The following WWOX variants were observed in gnomAD, a reference collection of about 807,000 sequenced individuals.
WWOX encodes the protein WW domain-containing oxidoreductase.
In WWOX, 69 loss-of-function variants were observed where a neutral mutation model predicts 46.2. The observed-to-expected ratio is 1.49, with a 90% CI of 1.23 to 1.82. The LOEUF is 1.82. WWOX is among the 40% of genes most tolerant of loss of function. The pLI is 0.00. For missense variants in WWOX, 919 were observed against 542.6 expected, an observed-to-expected ratio of 1.69 and a Z score of -6.89; for synonymous variants, 359 against 202.6, an observed-to-expected ratio of 1.77 and a Z score of -6.56.
chr16:78,188,659 T>C (rs1449110126), intron 5 of WWOX, among the ~76,000 whole-genome samples: 1 of 152,078 alleles, frequency 6.6e-6, no homozygotes, highest in Non-Finnish European at 1.5e-5. Flanking sequence ...CAAATGTTAC[T>C]TGATAGACAC....
chr16:78,126,806 C>T (rs2033381636), intron 4 of WWOX, among the ~76,000 whole-genome samples: 1 of 152,150 alleles, frequency 6.6e-6, no homozygotes, highest in Non-Finnish European at 1.5e-5. Flanking sequence ...AAAACTTAAA[C>T]TTGTCTGGCT....
intron 8 of WWOX, among the ~76,000 whole-genome samples, chr16:78,955,630 C>A (rs907391686): frequency 6.6e-6 from 1 of 151,710 alleles, no homozygotes; most frequent in African/African-American, 2.4e-5. Flanking sequence ...TTTCTTGTTT[C>A]TTTTTATTTT....
chr16:78,314,976 G>A (rs751822856), intron 5 of WWOX, among the ~76,000 whole-genome samples: 9 of 152,114 alleles, frequency 5.9e-5, no homozygotes, highest in Non-Finnish European at 1.0e-4. Flanking sequence ...CTTCGTAAAA[G>A]AAGAACTTCT....
intron 8 of WWOX, among the ~76,000 whole-genome samples, chr16:78,961,852 T>C (rs182057797): frequency 1.3e-3 from 196 of 152,294 alleles, no homozygotes; most frequent in Middle Eastern, 0.01. Flanking sequence ...TTCCATGAAG[T>C]TGATTTTGCA....
chr16:78,795,549 A>T (rs1193275377), intron 8 of WWOX, among the ~76,000 whole-genome samples: 1 of 152,210 alleles, frequency 6.6e-6, no homozygotes, highest in East Asian at 1.9e-4. Flanking sequence ...TCTGAAAAAA[A>T]GGATTCAGGG....
chr16:78,630,969 G>A (rs1475176533), intron 8 of WWOX, among the ~76,000 whole-genome samples: 1 of 152,140 alleles, frequency 6.6e-6, no homozygotes, highest in African/African-American at 2.4e-5. Flanking sequence ...TACTGAAAAT[G>A]TACCAACTGC....
rs142423179 is a variant in WWOX at position 78,635,743 on chromosome 16, T to C, written c.1056+202991T>C. On this transcript the variant is annotated intron_variant, in intron 8 of 8. Transcript: ENST00000566780. The stretch of plus-strand genomic sequence containing the variant: ...CACATCAATGTCGTCATCGTCCTTA[T>C]GAAAAGCCCTGGGCATCATTTTGCC... 6.3e-3 allele frequency among the ~76,000 whole-genome samples: 966 copies of C among 152,276 alleles called. 8 individuals are homozygous for C. Among genetic ancestry groups the C allele is most frequent in the Middle Eastern group, 0.024 (7 of 292 alleles).
In WWOX at chr16:78,375,677, G is replaced by T. The variant is rs761292665; in HGVS notation, c.517-11183G>T. ...AAAGCTATCAAAATTTAAAATGTGGGTATCTCTTGACCTAGTGAGTCTACT... is the reference window on the plus strand; with the variant it reads ...AAAGCTATCAAAATTTAAAATGTGGTTATCTCTTGACCTAGTGAGTCTACT... On this transcript the variant is annotated intron_variant, in intron 5 of 8. Transcript: ENST00000566780. 3.9e-5 allele frequency among the ~76,000 whole-genome samples: 6 copies of T among 152,136 alleles called. No individual in the cohort carries two copies. In the South Asian group the frequency reaches 8.3e-4, roughly 21 times the overall value.
chr16:79,159,580 G>A lies in WWOX; in HGVS notation c.1057-52028G>A, dbSNP rs556996436. ...GGAAAATGCTCTCTTTCTTACCTGGGTTACAAAGAGGAGGCTCAGGGTAGC... is the reference window on the plus strand; with the variant it reads ...GGAAAATGCTCTCTTTCTTACCTGGATTACAAAGAGGAGGCTCAGGGTAGC... On this transcript the variant is annotated intron_variant, in intron 8 of 8. Coordinates refer to ENST00000566780, the MANE Select transcript of WWOX (RefSeq NM_016373.4). 1.4e-3 allele frequency among the ~76,000 whole-genome samples: 215 copies of A among 152,274 alleles called. 2 individuals are homozygous for A. The highest frequency in any genetic ancestry group is 2.7e-3 in the African/African-American group (114 of 41,562).
intron 8 of WWOX, among the ~76,000 whole-genome samples, chr16:78,663,545 A>C (rs560373697): frequency 6.6e-6 from 1 of 152,146 alleles, no homozygotes; most frequent in Non-Finnish European, 1.5e-5. Flanking sequence ...TCTGATTTCT[A>C]TTATGAGTAA....
chr16:78,647,142 G>C (rs1026852910), intron 8 of WWOX, among the ~76,000 whole-genome samples: 1 of 152,260 alleles, frequency 6.6e-6, no homozygotes, highest in Admixed American at 6.5e-5. Flanking sequence ...CACCATCCTG[G>C]GTCTAGCTGG....
chr16:78,294,009 A>AAGG (rs1555514390), intron 5 of WWOX, among the ~76,000 whole-genome samples: 5 of 151,062 alleles, frequency 3.3e-5, no homozygotes, highest in African/African-American at 1.2e-4. Flanking sequence ...AAAAAAAAAA[A>AAGG]AGGCTTTCCT....
chr16:78,576,995 A>G (rs1193229565), intron 8 of WWOX, among the ~76,000 whole-genome samples: 1 of 152,212 alleles, frequency 6.6e-6, no homozygotes, highest in South Asian at 2.1e-4. Flanking sequence ...CTATTGCTGC[A>G]GAACAAATCA....
intron 5 of WWOX, among the ~76,000 whole-genome samples, chr16:78,281,289 G>A (rs1212509729): frequency 1.3e-5 from 2 of 152,162 alleles, no homozygotes; most frequent in Non-Finnish European, 2.9e-5. Flanking sequence ...CTCCCATTAC[G>A]GACATGTTTC....
intron 8 of WWOX, among the ~76,000 whole-genome samples, chr16:78,512,587 T>G (rs2085387468): frequency 6.6e-6 from 1 of 152,208 alleles, no homozygotes; most frequent in Admixed American, 6.5e-5. Context: ...ATTTGTTCAT[T>G]CAGCAAATAG....
At chr16:78,526,549 C>A (rs773229345) in intron 8 of WWOX, 2 of 152,222 alleles carry the variant, frequency 1.3e-5, no homozygotes, top group Non-Finnish European at 2.9e-5. Context: ...GGCCCAACAC[C>A]TGAATCTAGG....
rs1244058786 is a variant in WWOX at position 78,349,008 on chromosome 16, A to G, written c.517-37852A>G. Among the ~76,000 whole-genome samples the G allele has an allele frequency of 1.7e-5, 2 of 120,140 alleles. 1 individual carries two copies. Among genetic ancestry groups the G allele is most frequent in the Non-Finnish European group, 4.0e-5 (2 of 50,444 alleles). 78.8% of individuals were successfully genotyped at this position (120,140 alleles called of 152,430 possible). A position where few individuals can be genotyped will look rare whatever the true frequency, so the allele number is the denominator to read the frequency against. On this transcript the variant is annotated intron_variant, in intron 5 of 8. Coordinates refer to ENST00000566780, the MANE Select transcript of WWOX (RefSeq NM_016373.4). ...GGTGTACTGGTCTGCTCAGGCTGCC[A>G]TAACAAAATACCACAGGCTGGATAA...
At chr16:78,540,959 C>T (rs1315505788) in intron 8 of WWOX, among the ~76,000 whole-genome samples, 1 of 152,026 alleles carries the variant, frequency 6.6e-6, no homozygotes, top group Non-Finnish European at 1.5e-5. Context: ...GCGCTGGGAC[C>T]AATAGAGATT....
rs150699789 is a variant in WWOX, at chr16:78,495,699, G to C, written c.1056+62947G>C. Among the ~76,000 whole-genome samples the C allele has an allele frequency of 1.8e-3, 278 of 151,830 alleles. 1 individual carries two copies. The highest frequency in any genetic ancestry group is 6.5e-3 in the African/African-American group (268 of 41,354). On this transcript the variant is annotated intron_variant, in intron 8 of 8. Transcript: ENST00000566780. ...AATTTTTGTATTTTTAGTAGAGCCG[G>C]GGTTTCACCATGTTGGCCAGGGTGG... is the stretch of plus-strand genomic sequence containing the variant.
Sources: gnomAD v4.1 joint callset for allele counts (sites outside exome capture counted in the v4.1 genomes callset) on GRCh38, gnomAD v4.1.1 for gene constraint, MANE v1.5 for transcripts, NCBI Gene and HGNC (gene_info 2026-07-23, HGNC 2026-07-21) for gene names.